VASH1: variants seen among roughly 807,000 people sequenced by gnomAD.
The protein encoded by VASH1 is tubulinyl-Tyr carboxypeptidase 1.
A neutral mutation model predicts 35.0 loss-of-function variants in VASH1; 16 were observed. The observed-to-expected ratio is 0.46, with a 90% CI of 0.31 to 0.70. The LOEUF is 0.70. Ranked by LOEUF, VASH1 falls within the 30% of genes least tolerant of loss-of-function variation. The pLI is 0.05. For synonymous variants in VASH1, 214 were observed against 200.9 expected, an observed-to-expected ratio of 1.07 and a Z score of -0.55; for missense variants, 505 against 510.7, an observed-to-expected ratio of 0.99 and a Z score of 0.11.
intron 4 of VASH1, chr14:76,774,433 A>G (rs1893877015): frequency 6.6e-6 from 1 of 152,124 alleles, no homozygotes; most frequent in African/African-American, 2.4e-5. Flanking sequence ...GGGGTCACAC[A>G]CCAAAGTGGA....
At position 76,776,206 on chromosome 14, in the gene VASH1, T is replaced by C. The variant is rs768291005; in HGVS notation, c.845T>C (p.Val282Ala). 1.2e-6 allele frequency: 2 copies of C among 1,609,866 alleles called. No homozygotes were observed. Among genetic ancestry groups the C allele is most frequent in the South Asian group, 1.1e-5 (1 of 91,006 alleles). The change falls in exon 5 of 7, where the codon GTG becomes GCG. Residue 282 changes from valine to alanine, a missense_variant. Physicochemically the swap from Val to Ala is moderately conservative, Grantham distance 64. Coordinates refer to ENST00000167106, the MANE Select transcript of VASH1 (RefSeq NM_014909.5). ...QIEWKHSVLD[V>A]ERLGRDDFRK... ...GAGTGGAAGCACTCGGTGCTGGACG[T>C]GGAGCGCCTGGGCCGCGATGACTTC...
At chr14:76,774,459 A>T (rs1476702053) in intron 4 of VASH1, 1 of 152,232 alleles carries the variant, frequency 6.6e-6, no homozygotes, top group Non-Finnish European at 1.5e-5. Flanking sequence ...CCACCCTCAT[A>T]GGAGAGAGAC....
Position 76,780,924 on chromosome 14 carries a change from G to A in VASH1, c.*1906G>A, listed in dbSNP as rs542897989. The A allele has an allele frequency of 1.3e-5, 2 of 152,312 alleles. No individual in the cohort carries two copies. Among genetic ancestry groups the A allele is most frequent in the Non-Finnish European group, 2.9e-5 (2 of 68,142 alleles). The allele number at this position is 152,312 out of a possible 1,614,324, so 9.4% of individuals were successfully genotyped here. A position where few individuals can be genotyped will look rare whatever the true frequency, so the allele number is the denominator to read the frequency against. Reference sequence around the variant, plus strand: ...TAGGATCCTTGCAGCTGAGGAGGAGGAAAAGCCACTGAGTCTCCTCCCAGA... The same window carrying A: ...TAGGATCCTTGCAGCTGAGGAGGAGAAAAAGCCACTGAGTCTCCTCCCAGA... On this transcript the variant is annotated 3_prime_UTR_variant, in exon 7 of 7. Transcript: ENST00000167106.
chr14:76,762,195 G>C lies in VASH1; in HGVS notation c.-627G>C, dbSNP rs891522789. 26 of 150,430 alleles carry C rather than the reference G, an allele frequency of 1.7e-4. No homozygotes were observed. Among genetic ancestry groups the C allele is most frequent in the Non-Finnish European group, 3.1e-4 (21 of 67,736 alleles). 9.3% of individuals were successfully genotyped at this position (150,430 alleles called of 1,614,324 possible). A position where few individuals can be genotyped will look rare whatever the true frequency, so the allele number is the denominator to read the frequency against. ...CGGCGCGCGCCCCCTCCCCGCTCCCGGCCAGCTGCGAGTCTTGGCTCCCGG... is the reference window on the plus strand; with the variant it reads ...CGGCGCGCGCCCCCTCCCCGCTCCCCGCCAGCTGCGAGTCTTGGCTCCCGG... On this transcript the variant is annotated 5_prime_UTR_variant, in exon 1 of 7. Transcript: ENST00000167106.
chr14:76,761,661 C>G lies in VASH1; in HGVS notation c.-1161C>G, dbSNP rs1893508132. On this transcript the variant is annotated 5_prime_UTR_variant, in exon 1 of 7. Coordinates refer to ENST00000167106, the MANE Select transcript of VASH1 (RefSeq NM_014909.5). ...GGCACCAGCGCAGCGCGCGCTCGCC[C>G]GGCTTCGTCACTCGCCTCCAGCTAC... 6.6e-6 allele frequency among the ~76,000 whole-genome samples: 1 copy of G among 151,936 alleles called. No homozygotes were observed. Among genetic ancestry groups the G allele is most frequent in the African/African-American group, 2.4e-5 (1 of 41,430 alleles).
At chr14:76,766,192 G>A (rs919581729) in intron 1 of VASH1, among the ~76,000 whole-genome samples, 1 of 152,178 alleles carries the variant, frequency 6.6e-6, no homozygotes. Flanking sequence ...CCTTTACAGG[G>A]ATGATGCCAG....
chr14:76,776,461 G>A (rs1209505866), intron 5 of VASH1, among the ~76,000 whole-genome samples, 188 bp downstream of exon 5: 1 of 152,148 alleles, frequency 6.6e-6, no homozygotes, highest in Non-Finnish European at 1.5e-5. Context: ...GAGGGAGGAG[G>A]TGGGTGGGCT....
Position 76,771,578 on chromosome 14 carries a change from AGTGAGAG to A in VASH1, c.455+336_455+342del, listed in dbSNP as rs1008246761. Among the ~76,000 whole-genome samples, 41 of 152,254 alleles carry A rather than the reference AGTGAGAG, an allele frequency of 2.7e-4. 3 individuals are homozygous for A. The South Asian group carries it at 6.6e-3, about 25-fold the overall frequency. On this transcript the variant is annotated intron_variant, in intron 3 of 6. Coordinates refer to ENST00000167106, the MANE Select transcript of VASH1 (RefSeq NM_014909.5). ...GTGAGCCTCAGATCTTTTGTTTTTTAGTGAGAGGTGGACCTTGCAGGAGAGAGCCCTC... is the reference window on the plus strand; with the variant it reads ...GTGAGCCTCAGATCTTTTGTTTTTTAGTGGACCTTGCAGGAGAGAGCCCTC...
At chr14:76,772,782 C>G (rs1357662801) in intron 3 of VASH1, among the ~76,000 whole-genome samples, 1 of 152,238 alleles carries the variant, frequency 6.6e-6, no homozygotes. Flanking sequence ...CCCCCGACTG[C>G]CTCGCAGAAG....
At position 76,762,872 on chromosome 14, in the gene VASH1, A is replaced by G; in HGVS notation, c.51A>G (p.Pro17=). ...GGGGTGGCAGCAGCGGTGCCACTCC[A>G]ACGTCCGCTGCGGCCACCGCCCCCT... ...VAGGGSSGAT[P]TSAAATAPSG... is the part of the protein sequence containing the mutation. Residue 17 remains proline (P), a synonymous_variant, in exon 1 of 7, where the codon CCA becomes CCG. Coordinates refer to ENST00000167106, the MANE Select transcript of VASH1 (RefSeq NM_014909.5). The G allele has an allele frequency of 6.5e-7, 1 of 1,543,380 alleles. No homozygotes were observed. Among genetic ancestry groups the G allele is most frequent in the Non-Finnish European group, 8.7e-7 (1 of 1,144,174 alleles).
rs139507186 is a variant in VASH1, at chr14:76,775,455, A to C, written c.531-437A>C. On this transcript the variant is annotated intron_variant, in intron 4 of 6. Coordinates refer to ENST00000167106, the MANE Select transcript of VASH1 (RefSeq NM_014909.5). ...GGGCCACAGGCAGGGTTGCATGTGG[A>C]TATGGGGAGAGGACAGGGTGAGGGT... Among the ~76,000 whole-genome samples the C allele has an allele frequency of 3.2e-4, 49 of 152,156 alleles. 1 individual carries two copies. In the East Asian group the frequency reaches 6.8e-3, roughly 21 times the overall value.
In VASH1 at chr14:76,762,660, A is replaced by ATT. The variant is rs375099677; in HGVS notation, c.-155_-154dup. On this transcript the variant is annotated 5_prime_UTR_variant, in exon 1 of 7. Transcript: ENST00000167106. Reference sequence around the variant, plus strand: ...GACCCTAATTCACCTTATTGCACTGATTTTTTTTATCAAGTCGTATTTTAT... The same window carrying ATT: ...GACCCTAATTCACCTTATTGCACTGATTTTTTTTTTATCAAGTCGTATTTTAT... 43 of 573,354 alleles carry ATT rather than the reference A, an allele frequency of 7.5e-5. No individual in the cohort carries two copies. The highest frequency in any genetic ancestry group is 7.3e-4 in the African/African-American group (38 of 51,794). The allele number at this position is 573,354 out of a possible 1,614,324, so 35.5% of individuals were successfully genotyped here. A position where few individuals can be genotyped will look rare whatever the true frequency, so the allele number is the denominator to read the frequency against.
At position 76,762,513 on chromosome 14, in the gene VASH1, T is replaced by G; in HGVS notation, c.-309T>G. 2 of 235,324 alleles carry G rather than the reference T, an allele frequency of 8.5e-6. No individual in the cohort carries two copies. Among genetic ancestry groups the G allele is most frequent in the Non-Finnish European group, 8.2e-6 (1 of 122,320 alleles). The allele number at this position is 235,324 out of a possible 1,614,324, so 14.6% of individuals were successfully genotyped here. On this transcript the variant is annotated 5_prime_UTR_variant, in exon 1 of 7. Transcript: ENST00000167106. ...TGCCAGCCCTCACTGCTGCCCGTCA[T>G]TGTTCTCGCAGTTAGATGGGGGTGC...
intron 4 of VASH1, chr14:76,773,655 A>C: frequency 1.0e-5 from 2 of 191,074 alleles, no homozygotes; most frequent in East Asian, 1.2e-4. Context: ...AAAAACCACA[A>C]ACAAGGTTTT....
In VASH1 at chr14:76,779,021, C is replaced by T. The variant is rs779235767; in HGVS notation, c.*3C>T. ...ACGGGTACCAGATCCGGGTCTGAGG[C>T]GGATGCCAGCACCCCAGGCCCCACC... On this transcript the variant is annotated 3_prime_UTR_variant, in exon 7 of 7. Transcript: ENST00000167106. The T allele has an allele frequency of 6.8e-6, 11 of 1,613,746 alleles. No homozygotes were observed. In the Admixed American group the frequency reaches 1.0e-4, roughly 15 times the overall value.
intron 4 of VASH1, among the ~76,000 whole-genome samples, chr14:76,775,201 T>C (rs1183946339): frequency 2.6e-5 from 4 of 152,088 alleles, no homozygotes; most frequent in African/African-American, 9.7e-5. Flanking sequence ...ACACTGGTCA[T>C]GGTGAGAGTG....
intron 4 of VASH1, among the ~76,000 whole-genome samples, chr14:76,775,321 G>A (rs1016440484): frequency 6.6e-6 from 1 of 152,170 alleles, no homozygotes; most frequent in African/African-American, 2.4e-5. Context: ...GGAGGCCCCG[G>A]GGGCTGGAGA....
chr14:76,779,591 C>A lies in VASH1; in HGVS notation c.*573C>A. Reference sequence around the variant, plus strand: ...TTAACCAGGAGCTTGGCACAGGCCACATCTGCCCCAAGAGCATGAGCTCGT... The same window carrying A: ...TTAACCAGGAGCTTGGCACAGGCCAAATCTGCCCCAAGAGCATGAGCTCGT... On this transcript the variant is annotated 3_prime_UTR_variant, in exon 7 of 7. Transcript: ENST00000167106. 1 of 636,938 alleles carries A rather than the reference C, an allele frequency of 1.6e-6. No individual in the cohort carries two copies. Among genetic ancestry groups the A allele is most frequent in the Admixed American group, 2.4e-5 (1 of 40,930 alleles). The allele number at this position is 636,938 out of a possible 1,614,324, so 39.5% of individuals were successfully genotyped here. A position where few individuals can be genotyped will look rare whatever the true frequency, so the allele number is the denominator to read the frequency against.
At chr14:76,766,945 G>A (rs1242319519) in intron 1 of VASH1, among the ~76,000 whole-genome samples, 1 of 152,130 alleles carries the variant, frequency 6.6e-6, no homozygotes, top group Non-Finnish European at 1.5e-5. Flanking sequence ...GCACAGGGGA[G>A]GTCAGGAGCT....
Sources: gnomAD v4.1 joint callset for allele counts (sites outside exome capture counted in the v4.1 genomes callset) on GRCh38, gnomAD v4.1.1 for gene constraint, MANE v1.5 for transcripts, NCBI Gene and HGNC (gene_info 2026-07-23, HGNC 2026-07-21) for gene names.